Variants in CALHM4 observed in about 807,000 individuals in gnomAD.
CALHM4 encodes the protein calcium homeostasis modulator family member 4.
Under a neutral mutation model 13.3 loss-of-function variants are expected in CALHM4, and 16 were observed. The observed-to-expected ratio is 1.20, with a 90% CI of 0.81 to 1.82. The LOEUF is 1.82. Among genes scored for constraint, CALHM4 ranks in the 40% most tolerant of loss-of-function variants. The probability of loss-of-function intolerance (pLI) is 0.00; values close to 1 mark genes in which losing one functional copy is unlikely to be tolerated. For missense variants in CALHM4, 344 were observed against 374.9 expected (o/e 0.92, Z 0.68); for synonymous variants, 127 against 137.1 (o/e 0.93, Z 0.52).
In CALHM4 at chr6:116,558,081, G is replaced by A; in HGVS notation, c.815G>A (p.Trp272Ter). 1 of 1,614,134 alleles carries A rather than the reference G, an allele frequency of 6.2e-7. No homozygotes were observed. Among genetic ancestry groups the A allele is most frequent in the Non-Finnish European group, 8.5e-7 (1 of 1,180,006 alleles). Residue 272 changes from tryptophan to a stop codon, truncating the protein, a stop_gained, in exon 2 of 2, where the codon TGG becomes TAG. Transcript: ENST00000368596. LOFTEE classifies it high-confidence loss of function. ...ATCCGCATTCCTTCTTGTCAGGACT[G>A]GAAAGATATTTCAGTACCCACTCTT... The part of the protein sequence containing the change: ...KHIRIPSCQD[W>*]KDISVPTLLC...
intron 1 of CALHM4, among the ~76,000 whole-genome samples, chr6:116,536,409 C>T (rs1003428596): frequency 1.3e-5 from 2 of 152,102 alleles, no homozygotes; most frequent in African/African-American, 4.8e-5. Flanking sequence ...AAGAAAAAAA[C>T]TAGTGAGGGA....
chr6:116,537,555 G>A (rs1467014227), intron 1 of CALHM4, among the ~76,000 whole-genome samples: 2 of 151,810 alleles, frequency 1.3e-5, no homozygotes, highest in African/African-American at 2.4e-5. Context: ...TTTCTTACTC[G>A]ATTCCTCTTC....
intron 1 of CALHM4, among the ~76,000 whole-genome samples, chr6:116,555,949 A>G (rs1410237805): frequency 6.6e-6 from 1 of 152,204 alleles, no homozygotes; most frequent in Non-Finnish European, 1.5e-5. Flanking sequence ...AAAGCCCTTC[A>G]GTGATTTTCT....
At chr6:116,543,872 T>A in exon 2 of CALHM4, 1 of 1,532,248 alleles carries the variant, frequency 6.5e-7, no homozygotes, top group South Asian at 1.2e-5. Flanking sequence ...GCAGCAAATT[T>A]GTGAGTTTCT....
intron 1 of CALHM4, chr6:116,540,334 C>T (rs1186477917): frequency 1.3e-6 from 2 of 1,540,812 alleles, no homozygotes; most frequent in Non-Finnish European, 1.8e-6. Context: ...TTTTTCAAAA[C>T]ATATTGACAG....
exon 1 of CALHM4, chr6:116,529,139 A>C (rs1583277113): frequency 6.6e-6 from 1 of 152,372 alleles, no homozygotes; most frequent in East Asian, 1.9e-4. Context: ...TCTTCAGGTG[A>C]ATAACTGAGC....
At chr6:116,542,236 T>C (rs9488963) in intron 1 of CALHM4, among the ~76,000 whole-genome samples, 2,060 of 152,226 alleles carry the variant, frequency 0.014, 40 homozygotes, top group African/African-American at 0.047. Flanking sequence ...GAAAAATCTA[T>C]AGGTAGACAG....
In CALHM4 at chr6:116,560,229, A is replaced by G. The variant is rs112755928; in HGVS notation, c.*2018A>G. 1.3e-5 allele frequency among the ~76,000 whole-genome samples: 2 copies of G among 152,210 alleles called. No homozygotes were observed. The highest frequency in any genetic ancestry group is 6.5e-5 in the Admixed American group (1 of 15,282). The stretch of plus-strand genomic sequence containing the variant: ...ACTAGTTAAATGAACACTTTCAACC[A>G]TGCTCAGAATTAGTTTATTAGTTGT... On this transcript the variant is annotated 3_prime_UTR_variant, in exon 2 of 2. Transcript: ENST00000368596.
Position 116,560,657 on chromosome 6 carries a change from G to A in CALHM4, c.*2446G>A, listed in dbSNP as rs936900561. Among the ~76,000 whole-genome samples the A allele has an allele frequency of 2.0e-5, 3 of 147,394 alleles. No homozygotes were observed. Among genetic ancestry groups the A allele is most frequent in the Non-Finnish European group, 3.0e-5 (2 of 66,954 alleles). On this transcript the variant is annotated 3_prime_UTR_variant, in exon 2 of 2. Coordinates refer to ENST00000368596, the MANE Select transcript of CALHM4 (RefSeq NM_001366078.2). ...ATGGAATTTTTAGTATTTTGGGGGG[G>A]GGGGGGGCTATGGTCTATAGCATTT...
Position 116,553,843 on chromosome 6 carries a change from T to A in CALHM4, c.50T>A (p.Ile17Lys). ...GTGTCTTCTCTGCAGAGAAATGGAA[T>A]ATTTATCAATTCTTTAATTGCAGCC... ...NIVSSLQRNG[I>K]FINSLIAALT... is the part of the protein sequence containing the mutation. The change falls in exon 1 of 2, where the codon ATA becomes AAA. Residue 17 changes from isoleucine to lysine, a missense_variant. Ile to Lys is a moderately radical substitution (Grantham distance 102, BLOSUM62 -3). Coordinates refer to ENST00000368596, the MANE Select transcript of CALHM4 (RefSeq NM_001366078.2). 1 of 1,550,640 alleles carries A rather than the reference T, an allele frequency of 6.4e-7. No homozygotes were observed. Among genetic ancestry groups the A allele is most frequent in the Non-Finnish European group, 8.7e-7 (1 of 1,147,002 alleles).
chr6:116,550,862 A>C (rs929520563), upstream of CALHM4, among the ~76,000 whole-genome samples: 1 of 152,212 alleles, frequency 6.6e-6, no homozygotes, highest in Non-Finnish European at 1.5e-5. Context: ...ATTAATTACT[A>C]GGTCAAATAA....
intron 2 of CALHM4, among the ~76,000 whole-genome samples, chr6:116,544,796 CTG>C (rs1773674044): frequency 6.6e-6 from 1 of 151,996 alleles, no homozygotes; most frequent in Non-Finnish European, 1.5e-5. Flanking sequence ...AACACCAAGT[CTG>C]AAATTACTTA....
At chr6:116,555,617 CT>C (rs1774276764) in intron 1 of CALHM4, among the ~76,000 whole-genome samples, 1 of 152,126 alleles carries the variant, frequency 6.6e-6, no homozygotes, top group African/African-American at 2.4e-5. Flanking sequence ...TAAATCAAAG[CT>C]CAAAAAGTTT....
chr6:116,559,287 T>G lies in CALHM4; in HGVS notation c.*1076T>G, dbSNP rs898981665. Among the ~76,000 whole-genome samples, 3 of 152,196 alleles carry G rather than the reference T, an allele frequency of 2.0e-5. No homozygotes were observed. The highest frequency in any genetic ancestry group is 3.9e-4 in the East Asian group (2 of 5,144). ...ATAAGTTGTCTGAGGGCATTCTGTC[T>G]ATTTATTTCTTCAGTCAAAACAATG... On this transcript the variant is annotated 3_prime_UTR_variant, in exon 2 of 2. Coordinates refer to ENST00000368596, the MANE Select transcript of CALHM4 (RefSeq NM_001366078.2).
At chr6:116,540,767 A>G (rs1363566157) in intron 1 of CALHM4, among the ~76,000 whole-genome samples, 3 of 152,162 alleles carry the variant, frequency 2.0e-5, no homozygotes, top group African/African-American at 7.2e-5. Context: ...CTGTAGCCTA[A>G]TGTTTCTCAG....
upstream of CALHM4, among the ~76,000 whole-genome samples, chr6:116,551,475 A>G (rs896425799): frequency 6.6e-6 from 1 of 152,284 alleles, no homozygotes; most frequent in South Asian, 2.1e-4. Context: ...AATTCATTCA[A>G]GTTATTGTAT....
intron 1 of CALHM4, among the ~76,000 whole-genome samples, chr6:116,533,426 A>G (rs1403389163): frequency 6.6e-6 from 1 of 152,220 alleles, no homozygotes; most frequent in Admixed American, 6.5e-5. Flanking sequence ...ACACCACTCT[A>G]GCAAGAAAAA....
chr6:116,537,700 G>T (rs1773186568), intron 1 of CALHM4, among the ~76,000 whole-genome samples: 1 of 152,186 alleles, frequency 6.6e-6, no homozygotes, highest in African/African-American at 2.4e-5. Flanking sequence ...ATTGGGCAAG[G>T]TGAGGAGCAT....
intron 1 of CALHM4, 128 bp downstream of exon 1, chr6:116,554,479 C>A: frequency 1.2e-6 from 1 of 849,200 alleles, no homozygotes; most frequent in Non-Finnish European, 1.7e-6. Context: ...TGCTGTTCAT[C>A]AAAGTGAGTT....
Sources: allele counts gnomAD v4.1 joint callset (sites outside exome capture counted in the v4.1 genomes callset), GRCh38; gene constraint gnomAD v4.1.1; transcripts MANE v1.5; gene names NCBI Gene and HGNC (gene_info 2026-07-23, HGNC 2026-07-21).